Variants in DNAJA3 observed in about 807,000 individuals in gnomAD.
The protein encoded by DNAJA3 is dnaJ homolog subfamily A member 3, mitochondrial.
DNAJA3 carries 29 observed loss-of-function variants against 54.9 expected under a neutral mutation model. The ratio of observed to expected loss-of-function variants is 0.53; its 90% CI spans 0.39 to 0.72. The LOEUF is 0.72. Among genes scored for constraint, DNAJA3 ranks in the 30% least tolerant of loss-of-function variants. DNAJA3 has a pLI of 0.00. For synonymous variants in DNAJA3, 302 were observed against 251.4 expected, an observed-to-expected ratio of 1.20 and a Z score of -1.90; for missense variants, 708 against 639.4, an observed-to-expected ratio of 1.11 and a Z score of -1.16.
chr16:4,432,148 A>T (rs2056711111), intron 1 of DNAJA3, among the ~76,000 whole-genome samples: 1 of 147,558 alleles, frequency 6.8e-6, no homozygotes, highest in South Asian at 2.2e-4. Flanking sequence ...GTTTATTTAC[A>T]AACATCTAGT....
intron 11 of DNAJA3, 98 bp from the exon 12 acceptor site, chr16:4,455,448 T>A: frequency 6.9e-7 from 1 of 1,443,352 alleles, no homozygotes; most frequent in Non-Finnish European, 9.5e-7. Context: ...GCCCCTCTCT[T>A]GGCACAGCTG....
chr16:4,441,632 A>G lies in DNAJA3; in HGVS notation c.630+57A>G. The G allele has an allele frequency of 3.2e-6, 5 of 1,564,912 alleles. No individual in the cohort carries two copies. The South Asian group carries it at 4.6e-5, about 14-fold the overall frequency. On this transcript the variant is annotated intron_variant, in intron 4 of 11. Transcript: ENST00000262375. Reference sequence around the variant, plus strand: ...TTTTAGACTAAGTATGGGTCAAACAAATTTTTTTATCAGTTTCTGTTTCTC... The same window carrying G: ...TTTTAGACTAAGTATGGGTCAAACAGATTTTTTTATCAGTTTCTGTTTCTC...
At chr16:4,435,496 C>T (rs2056762962) in intron 2 of DNAJA3, among the ~76,000 whole-genome samples, 1 of 152,178 alleles carries the variant, frequency 6.6e-6, no homozygotes, top group African/African-American at 2.4e-5. Context: ...ATTGTCCTCT[C>T]TCCCCGGTCC....
chr16:4,456,702 AT>A lies in DNAJA3; in HGVS notation c.*1173del, dbSNP rs1368126129. 6.6e-6 allele frequency: 1 copy of A among 152,642 alleles called. No individual in the cohort carries two copies. Among genetic ancestry groups the A allele is most frequent in the Non-Finnish European group, 1.5e-5 (1 of 68,042 alleles). 9.5% of individuals were successfully genotyped at this position (152,642 alleles called of 1,614,324 possible). A position where few individuals can be genotyped will look rare whatever the true frequency, so the allele number is the denominator to read the frequency against. Reference sequence around the variant, plus strand: ...AAAATAAAGCATCTATTAGTGTCTGATTTAGGAATGTAAAATGATTCTGTAT... The same window carrying A: ...AAAATAAAGCATCTATTAGTGTCTGATTAGGAATGTAAAATGATTCTGTAT... On this transcript the variant is annotated 3_prime_UTR_variant, in exon 12 of 12. Coordinates refer to ENST00000262375, the MANE Select transcript of DNAJA3 (RefSeq NM_005147.6).
Position 4,437,528 on chromosome 16 carries a change from G to A in DNAJA3, c.429+43G>A, listed in dbSNP as rs1243571804. The A allele has an allele frequency of 5.2e-6, 8 of 1,553,108 alleles. No individual in the cohort carries two copies. In the African/African-American group the frequency reaches 5.5e-5, roughly 11 times the overall value. ...CATGCGGTCACTGCTGTTCAGCTAT[G>A]TGTATGAATCAAAGGTTGCATTGCT... On this transcript the variant is annotated intron_variant, in intron 3 of 11. Transcript: ENST00000262375.
intron 2 of DNAJA3, among the ~76,000 whole-genome samples, chr16:4,436,460 A>G (rs1296774991): frequency 3.9e-5 from 6 of 152,256 alleles, no homozygotes; most frequent in Non-Finnish European, 1.5e-5. Flanking sequence ...TGTAGCAATT[A>G]CTGTATTTTA....
chr16:4,426,115 G>C, intron 1 of DNAJA3, 23 bp downstream of exon 1: 1 of 1,537,682 alleles, frequency 6.5e-7, no homozygotes, highest in Non-Finnish European at 8.8e-7. Context: ...TCCAACTTCC[G>C]AGTGGCGGTT....
intron 1 of DNAJA3, 84 bp from the exon 2 acceptor site, chr16:4,434,300 A>G (rs1274963696): frequency 1.4e-6 from 2 of 1,474,556 alleles, no homozygotes; most frequent in East Asian, 4.5e-5. Context: ...TCCTTCACAG[A>G]TATAGCCTGG....
At chr16:4,443,727 C>T (rs1454927129) in intron 6 of DNAJA3, among the ~76,000 whole-genome samples, 2 of 151,888 alleles carry the variant, frequency 1.3e-5, no homozygotes, top group African/African-American at 4.8e-5. Context: ...CGCTCTGTCA[C>T]CCAGGCTGGA....
intron 1 of DNAJA3, chr16:4,434,032 T>C (rs1176782963): frequency 3.6e-6 from 1 of 279,900 alleles, no homozygotes; most frequent in Non-Finnish European, 6.8e-6. Context: ...TGGGGAGGCC[T>C]CAGCGATCGT....
intron 10 of DNAJA3, among the ~76,000 whole-genome samples, chr16:4,451,586 A>T (rs376176519): frequency 6.6e-6 from 1 of 151,606 alleles, no homozygotes; most frequent in Admixed American, 6.6e-5. Flanking sequence ...GCGAAACCCC[A>T]TCCCTACTAA....
intron 10 of DNAJA3, among the ~76,000 whole-genome samples, chr16:4,451,774 A>G (rs952616357): frequency 2.0e-5 from 3 of 148,218 alleles, no homozygotes; most frequent in Non-Finnish European, 4.5e-5. Flanking sequence ...AAAAAAAAAA[A>G]AAAGGGCCTG....
intron 7 of DNAJA3, among the ~76,000 whole-genome samples, chr16:4,446,141 G>A (rs556564615): frequency 3.4e-5 from 5 of 147,472 alleles, no homozygotes; most frequent in African/African-American, 7.5e-5. Context: ...GGCTGGTCTC[G>A]AATTCCTGAC....
At chr16:4,436,442 G>C (rs1380718616) in intron 2 of DNAJA3, among the ~76,000 whole-genome samples, 3 of 152,168 alleles carry the variant, frequency 2.0e-5, no homozygotes, top group Non-Finnish European at 4.4e-5. Flanking sequence ...AAAAAGATCA[G>C]GTAAAGCTGT....
intron 2 of DNAJA3, among the ~76,000 whole-genome samples, chr16:4,436,168 C>CT (rs368822701): frequency 3.4e-5 from 5 of 148,696 alleles, no homozygotes; most frequent in Admixed American, 6.7e-5. Context: ...ACTGGGTTGT[C>CT]TTTTTTTTTT....
At chr16:4,441,081 A>C in intron 3 of DNAJA3, 1 of 475,194 alleles carries the variant, frequency 2.1e-6, no homozygotes, top group African/African-American at 1.9e-5. Flanking sequence ...TGAAGAATCC[A>C]GGGTGCCTGT....
intron 10 of DNAJA3, among the ~76,000 whole-genome samples, chr16:4,452,493 A>G (rs1166522446): frequency 1.3e-5 from 2 of 152,100 alleles, no homozygotes; most frequent in Non-Finnish European, 2.9e-5. Context: ...TCCGCCACCC[A>G]CTGAGATCCT....
At chr16:4,437,016 G>C (rs1028776536) in intron 2 of DNAJA3, among the ~76,000 whole-genome samples, 2 of 152,040 alleles carry the variant, frequency 1.3e-5, no homozygotes, top group African/African-American at 4.8e-5. Context: ...CGTCACCTAG[G>C]CTGGAGTGCA....
chr16:4,437,296 A>G (rs2056783021), intron 2 of DNAJA3, 106 bp from the exon 3 acceptor site: 2 of 948,252 alleles, frequency 2.1e-6, no homozygotes, highest in Non-Finnish European at 3.3e-6. Context: ...TAAAGGGAAC[A>G]TAATTATGAC....
Sources: allele counts gnomAD v4.1 joint callset (sites outside exome capture counted in the v4.1 genomes callset), GRCh38; gene constraint gnomAD v4.1.1; transcripts MANE v1.5; gene names NCBI Gene and HGNC (gene_info 2026-07-23, HGNC 2026-07-21).